The following LAMA2 variants were observed in gnomAD, a reference collection of about 807,000 sequenced individuals.
LAMA2 encodes laminin subunit alpha 2, also known as laminin subunit alpha-2.
A neutral mutation model predicts 364.8 loss-of-function variants in LAMA2; 269 were observed. That is an observed-to-expected ratio of 0.74 (90% CI 0.67 to 0.82). LAMA2 has a LOEUF of 0.82. Among genes scored for constraint, LAMA2 ranks in the 40% least tolerant of loss-of-function variants. The probability of loss-of-function intolerance (pLI) is 0.00; values close to 1 mark genes in which losing one functional copy is unlikely to be tolerated. For synonymous variants in LAMA2, 1,379 were observed against 1,370.6 expected, an observed-to-expected ratio of 1.01 and a Z score of -0.14; for missense variants, 3,807 against 3,873.2, an observed-to-expected ratio of 0.98 and a Z score of 0.45.
intron 16 of LAMA2, among the ~76,000 whole-genome samples, chr6:129,270,265 CTACACACACACACA>C (rs983444445): frequency 1.0e-5 from 1 of 97,592 alleles, no homozygotes; most frequent in Non-Finnish European, 1.9e-5. Context: ...TGCTCTATGA[CTACACACACACACA>C]CACACACACA....
At chr6:129,284,106 C>A (rs1257714457) in intron 18 of LAMA2, among the ~76,000 whole-genome samples, 1 of 152,120 alleles carries the variant, frequency 6.6e-6, no homozygotes. Flanking sequence ...TTTCTTCCAA[C>A]TTGTAAAAGG....
rs9492175 is a variant in LAMA2 at position 128,982,367 on chromosome 6, G to A, written c.113-67551G>A. Reference sequence around the variant, plus strand: ...GATCTTATATTTATGTGGTGTTTGCGTTTTTCCAATTTTAGAAATGGTTTC... The same window carrying A: ...GATCTTATATTTATGTGGTGTTTGCATTTTTCCAATTTTAGAAATGGTTTC... On this transcript the variant is annotated intron_variant, in intron 1 of 64. Coordinates refer to ENST00000421865, the MANE Select transcript of LAMA2 (RefSeq NM_000426.4). 5.9e-3 allele frequency among the ~76,000 whole-genome samples: 892 copies of A among 152,098 alleles called. 7 individuals carry two copies. The highest frequency in any genetic ancestry group is 0.02 in the African/African-American group (843 of 41,510).
chr6:129,066,355 C>A (rs556127609), intron 3 of LAMA2, among the ~76,000 whole-genome samples: 1 of 152,198 alleles, frequency 6.6e-6, no homozygotes, highest in East Asian at 1.9e-4. Flanking sequence ...TCAGGTATGT[C>A]TTTATCAGCA....
intron 1 of LAMA2, among the ~76,000 whole-genome samples, chr6:129,035,297 T>G (rs1184334335): frequency 7.0e-6 from 1 of 143,184 alleles, no homozygotes; most frequent in Non-Finnish European, 1.5e-5. Context: ...TTTTCTTTTC[T>G]TTTCTTTTTT....
chr6:129,244,485 A>G (rs969394416), intron 12 of LAMA2, among the ~76,000 whole-genome samples: 3 of 152,110 alleles, frequency 2.0e-5, no homozygotes, highest in Admixed American at 2.0e-4. Flanking sequence ...CCTGCTCAGT[A>G]TTATAAAGCC....
In LAMA2 at chr6:129,250,193, C is replaced by A. The variant is rs866735449; in HGVS notation, c.1864C>A (p.Gln622Lys). ...GGAAGAAGATACAGAACGTGTTCTC[C>A]AGCTTATGATTATCTTAGAGGTAGA... ...EEEEDTERVL[Q>K]LMIILEGNDL... Residue 622 changes from glutamine (Q) to lysine (K), a missense_variant, in exon 13 of 65, where the codon CAG (glutamine) becomes AAG (lysine). Around this residue, in one of 3 missense-constraint regions of LAMA2, gnomAD observed 3,333 missense variants for 3,345.7 expected, o/e 1.00. Transcript: ENST00000421865. The A allele has an allele frequency of 3.1e-6, 5 of 1,588,494 alleles. No individual in the cohort carries two copies. Among genetic ancestry groups the A allele is most frequent in the Middle Eastern group, 1.7e-4 (1 of 6,028 alleles).
chr6:128,933,876 C>G (rs982656076), intron 1 of LAMA2, among the ~76,000 whole-genome samples: 70 of 152,234 alleles, frequency 4.6e-4, no homozygotes, highest in African/African-American at 1.5e-3. Flanking sequence ...AATATATTAT[C>G]CCATACCACA....
intron 1 of LAMA2, among the ~76,000 whole-genome samples, chr6:128,943,510 T>C (rs1288346634): frequency 6.6e-6 from 1 of 152,088 alleles, no homozygotes; most frequent in African/African-American, 2.4e-5. Context: ...CAAGCTGATC[T>C]TGAACTCCTG....
chr6:129,225,852 A>G lies in LAMA2; in HGVS notation c.1783-24260A>G, dbSNP rs565679889. Reference sequence around the variant, plus strand: ...AGTTCTGCAAATGTCTATTAGGTCCACTTGGTGCAGAGCTGAGTTCAATTC... The same window carrying G: ...AGTTCTGCAAATGTCTATTAGGTCCGCTTGGTGCAGAGCTGAGTTCAATTC... On this transcript the variant is annotated intron_variant, in intron 12 of 64. Transcript: ENST00000421865. 1.1e-3 allele frequency among the ~76,000 whole-genome samples: 173 copies of G among 152,234 alleles called. 1 individual carries two copies. The highest frequency in any genetic ancestry group is 3.4e-3 in the Middle Eastern group (1 of 294).
At chr6:129,433,699 T>C (rs546510211) in intron 41 of LAMA2, among the ~76,000 whole-genome samples, 2 of 152,300 alleles carry the variant, frequency 1.3e-5, no homozygotes, top group South Asian at 4.1e-4. Context: ...GAGGAATATA[T>C]ACATAGGTAT....
intron 1 of LAMA2, among the ~76,000 whole-genome samples, chr6:128,917,834 A>G (rs2114477496): frequency 6.7e-6 from 1 of 148,524 alleles, no homozygotes. Flanking sequence ...CTCAGTTTCA[A>G]GTGATACTCC....
intron 4 of LAMA2, among the ~76,000 whole-genome samples, chr6:129,124,857 T>C (rs779467247): frequency 1.2e-4 from 19 of 152,204 alleles, no homozygotes; most frequent in Admixed American, 6.5e-4. Flanking sequence ...GTGTCATTCC[T>C]GTACCCACTC....
chr6:129,302,877 A>G (rs1383231185), intron 22 of LAMA2, among the ~76,000 whole-genome samples: 2 of 152,146 alleles, frequency 1.3e-5, no homozygotes, highest in African/African-American at 4.8e-5. Flanking sequence ...CAAGTCATAA[A>G]ATCAGGTATT....
At chr6:129,107,703 A>G (rs535598875) in intron 4 of LAMA2, among the ~76,000 whole-genome samples, 1 of 152,216 alleles carries the variant, frequency 6.6e-6, no homozygotes, top group Non-Finnish European at 1.5e-5. Context: ...GTATAAATTC[A>G]TATATACTAA....
intron 29 of LAMA2, among the ~76,000 whole-genome samples, chr6:129,336,877 G>T (rs1775987374): frequency 6.6e-6 from 1 of 152,196 alleles, no homozygotes; most frequent in Non-Finnish European, 1.5e-5. Context: ...TGCTTTGGAT[G>T]ATATCTATCA....
At chr6:129,047,406 T>C (rs1787593611) in intron 1 of LAMA2, among the ~76,000 whole-genome samples, 1 of 151,976 alleles carries the variant, frequency 6.6e-6, no homozygotes, top group African/African-American at 2.4e-5. Flanking sequence ...GAACAATAAA[T>C]GAGATAGTGA....
rs187586622 is a variant in LAMA2, at chr6:128,941,797, C to A, written c.112+58440C>A. ...AAGTAATTTCGTTCTCTGTGCCCAGCGAGTTGGTATCTACTGATGGTGGTT... is the reference window on the plus strand; with the variant it reads ...AAGTAATTTCGTTCTCTGTGCCCAGAGAGTTGGTATCTACTGATGGTGGTT... On this transcript the variant is annotated intron_variant, in intron 1 of 64. Transcript: ENST00000421865. Among the ~76,000 whole-genome samples the A allele has an allele frequency of 5.3e-5, 8 of 152,192 alleles. No homozygotes were observed. The East Asian group carries it at 1.4e-3, about 26-fold the overall frequency.
At chr6:128,944,643 A>T (rs1780382921) in intron 1 of LAMA2, among the ~76,000 whole-genome samples, 1 of 151,960 alleles carries the variant, frequency 6.6e-6, no homozygotes, top group African/African-American at 2.4e-5. Context: ...AAGTAGAAAA[A>T]AAAAAAAAAG....
intron 1 of LAMA2, among the ~76,000 whole-genome samples, chr6:128,922,426 T>A (rs1346257498): frequency 2.0e-5 from 3 of 151,580 alleles, no homozygotes; most frequent in African/African-American, 7.3e-5. Context: ...GGTATCTCAT[T>A]GTGGTTTTGA....
Sources: gnomAD v4.1 joint callset for allele counts (sites outside exome capture counted in the v4.1 genomes callset) on GRCh38, gnomAD v4.1.1 for gene constraint, gnomAD v4.1.1 regional missense constraint, MANE v1.5 for transcripts, NCBI Gene and HGNC (gene_info 2026-07-23, HGNC 2026-07-21) for gene names.